DTX2: variants seen among roughly 807,000 people sequenced by gnomAD.
DTX2 encodes probable E3 ubiquitin-protein ligase DTX2.
In DTX2, 29 loss-of-function variants were observed where a neutral mutation model predicts 55.3. The observed-to-expected ratio is 0.52, with a 90% CI of 0.39 to 0.71. The LOEUF (loss-of-function observed/expected upper bound fraction) is 0.71, where lower values mean the gene tolerates loss of function less well. Ranked by LOEUF, DTX2 falls within the 30% of genes least tolerant of loss-of-function variation. The pLI, the probability that DTX2 is intolerant of heterozygous loss-of-function variation, is 0.00. For synonymous variants in DTX2, 276 were observed against 340.4 expected (o/e 0.81, Z 2.08); for missense variants, 537 against 822.5 (o/e 0.65, Z 4.25).
intron 5 of DTX2, among the ~76,000 whole-genome samples, chr7:76,495,804 AG>A: frequency 6.6e-6 from 1 of 151,746 alleles, no homozygotes; most frequent in Non-Finnish European, 1.5e-5. Context: ...TTGGAGGGAC[AG>A]GCCCCGTCAG....
intron 2 of DTX2, among the ~76,000 whole-genome samples, chr7:76,477,488 C>G (rs1228657423): frequency 6.6e-6 from 1 of 150,564 alleles, no homozygotes; most frequent in African/African-American, 2.5e-5. Flanking sequence ...ATGAAAAACA[C>G]TTAGGATACA....
chr7:76,504,712 G>A (rs568262109), intron 10 of DTX2, among the ~76,000 whole-genome samples: 2 of 152,210 alleles, frequency 1.3e-5, no homozygotes, highest in South Asian at 2.1e-4. Context: ...TGACAGGCAG[G>A]GACCGGGGGC....
Position 76,482,698 on chromosome 7 carries a change from T to C in DTX2, c.459T>C (p.Thr153=), listed in dbSNP as rs148924865. 9 of 1,613,708 alleles carry C rather than the reference T, an allele frequency of 5.6e-6. No individual in the cohort carries two copies. The African/African-American group carries it at 1.1e-4, about 19-fold the overall frequency. ...TGGCCCCCCTGGGGTACAACTACAC[T>C]GTCAACTACACCACCCACACGCAGA... The part of the protein sequence containing the change: ...VDLAPLGYNY[T]VNYTTHTQTN... Residue 153 remains threonine (T), a synonymous_variant, in exon 4 of 11, where the codon ACT becomes ACC. Transcript: ENST00000430490.
At chr7:76,468,448 A>AT (rs1202957368) in intron 2 of DTX2, among the ~76,000 whole-genome samples, 929 of 36,854 alleles carry the variant, frequency 0.025, no homozygotes, top group Non-Finnish European at 0.038. Flanking sequence ...GCCCACTGCC[A>AT]TTTTTTTTTT....
chr7:76,484,392 T>TC lies in DTX2; in HGVS notation c.908+1248dup. On this transcript the variant is annotated intron_variant, in intron 4 of 10. Transcript: ENST00000430490. ...TAAAATGAGGAACCCCCCCAGGATT[T>TC]CCCTGGATTTGGCCAAGGTGAATGG... Among the ~76,000 whole-genome samples the TC allele has an allele frequency of 2.3e-5, 3 of 131,608 alleles. No individual in the cohort carries two copies. The Admixed American group carries it at 2.4e-4, about 11-fold the overall frequency. 86.3% of individuals were successfully genotyped at this position (131,608 alleles called of 152,430 possible). A position where few individuals can be genotyped will look rare whatever the true frequency, so the allele number is the denominator to read the frequency against.
chr7:76,501,819 T>C (rs1225752120), intron 7 of DTX2: 1 of 174,724 alleles, frequency 5.7e-6, no homozygotes, highest in Non-Finnish European at 1.2e-5. Flanking sequence ...GTCGGGCCTG[T>C]GCTGCTGGTA....
chr7:76,505,692 C>CT lies in DTX2; in HGVS notation c.*92dup. On this transcript the variant is annotated 3_prime_UTR_variant, in exon 11 of 11. Coordinates refer to ENST00000430490, the MANE Select transcript of DTX2 (RefSeq NM_001102594.3). This position sits in a 1 kb window ranked among gnomAD's most constrained non-coding sequence, Gnocchi z 4.4. ...GGCAGGAAGTGCCCAGCCCGAGAGG[C>CT]TGGGAGGTTTGTTGAGGGTGTGGGG... 7.2e-7 allele frequency: 1 copy of CT among 1,379,896 alleles called. No individual in the cohort carries two copies. The highest frequency in any genetic ancestry group is 9.8e-7 in the Non-Finnish European group (1 of 1,018,308). 85.5% of individuals were successfully genotyped at this position (1,379,896 alleles called of 1,614,324 possible).
chr7:76,482,693 T>C lies in DTX2; in HGVS notation c.454T>C (p.Tyr152His). Residue 152 changes from tyrosine to histidine, a missense_variant, in exon 4 of 11, where the codon TAC becomes CAC. Transcript: ENST00000430490. ...GGACTTGGCCCCCCTGGGGTACAAC[T>C]ACACTGTCAACTACACCACCCACAC... ...LVDLAPLGYN[Y>H]TVNYTTHTQT... is the part of the protein sequence containing the mutation. 1 of 1,613,698 alleles carries C rather than the reference T, an allele frequency of 6.2e-7. No homozygotes were observed. The highest frequency in any genetic ancestry group is 8.5e-7 in the Non-Finnish European group (1 of 1,179,714).
intron 6 of DTX2, among the ~76,000 whole-genome samples, chr7:76,499,607 C>T (rs959127795): frequency 1.4e-5 from 2 of 147,430 alleles, no homozygotes; most frequent in Non-Finnish European, 3.0e-5. Flanking sequence ...GCACTGGGCT[C>T]CCCGTCCCTC....
At position 76,503,495 on chromosome 7, in the gene DTX2, A is replaced by T. The variant is rs1811969006; in HGVS notation, c.1459A>T (p.Lys487Ter). Residue 487 changes from lysine to a stop codon, truncating the protein, a stop_gained, in exon 9 of 11, where the codon AAG becomes TAG. Transcript: ENST00000430490. LOFTEE classifies it high-confidence loss of function. ...GEKTGTQPQG[K>*]MEVLRFQMSL... ...GAAGACGGGGACCCAGCCCCAGGGA[A>T]AGATGGAGGTATTACGGTTCCAGAT... 6.2e-7 allele frequency: 1 copy of T among 1,612,936 alleles called. No individual in the cohort carries two copies. The highest frequency in any genetic ancestry group is 1.7e-5 in the Admixed American group (1 of 60,000).
At position 76,505,679 on chromosome 7, in the gene DTX2, C is replaced by G; in HGVS notation, c.*78C>G. The stretch of plus-strand genomic sequence containing the variant: ...GGCTGGGTGGCCAGGCAGGAAGTGC[C>G]CAGCCCGAGAGGCTGGGAGGTTTGT... On this transcript the variant is annotated 3_prime_UTR_variant, in exon 11 of 11. Transcript: ENST00000430490. This position sits in a 1 kb window ranked among gnomAD's most constrained non-coding sequence, Gnocchi z 4.4. 3 of 1,442,794 alleles carry G rather than the reference C, an allele frequency of 2.1e-6. No homozygotes were observed. The highest frequency in any genetic ancestry group is 2.8e-6 in the Non-Finnish European group (3 of 1,069,568). 89.4% of individuals were successfully genotyped at this position (1,442,794 alleles called of 1,614,324 possible). A position where few individuals can be genotyped will look rare whatever the true frequency, so the allele number is the denominator to read the frequency against.
Position 76,482,961 on chromosome 7 carries a change from A to G in DTX2, c.722A>G (p.His241Arg), listed in dbSNP as rs1809462323. ...AGGACCGCTTCTGTGTTTGGGACCC[A>G]CCAGGCCTTTGCACCGTACAACAAA... Reference protein sequence around the residue: ...PHRTASVFGTHQAFAPYNKPS... With the variant: ...PHRTASVFGTRQAFAPYNKPS... The change falls in exon 4 of 11, where the codon CAC becomes CGC. Residue 241 changes from histidine (H) to arginine (R), a missense_variant. Coordinates refer to ENST00000430490, the MANE Select transcript of DTX2 (RefSeq NM_001102594.3). 8 of 1,613,692 alleles carry G rather than the reference A, an allele frequency of 5.0e-6. No individual in the cohort carries two copies. The highest frequency in any genetic ancestry group is 6.8e-6 in the Non-Finnish European group (8 of 1,179,778).
chr7:76,493,586 G>A (rs1373625920), intron 5 of DTX2, among the ~76,000 whole-genome samples: 1 of 83,720 alleles, frequency 1.2e-5, no homozygotes, highest in Non-Finnish European at 2.4e-5. Flanking sequence ...TGGCGCCATC[G>A]TTGTTCACAG....
At chr7:76,483,570 C>T (rs1265457408) in intron 4 of DTX2, among the ~76,000 whole-genome samples, 2 of 150,662 alleles carry the variant, frequency 1.3e-5, no homozygotes, top group Non-Finnish European at 3.0e-5. Flanking sequence ...TAGTCTAGTG[C>T]AAGGGGCTGT....
At chr7:76,477,800 C>CTAAATAAATAAATAAATAAA (rs200872991) in intron 2 of DTX2, among the ~76,000 whole-genome samples, 1 of 90,046 alleles carries the variant, frequency 1.1e-5, no homozygotes, top group African/African-American at 5.0e-5. Flanking sequence ...GACTCGGACT[C>CTAAATAAATAAATAAATAAA]TAAATAAATA....
chr7:76,504,663 C>G (rs1316298036), intron 10 of DTX2, among the ~76,000 whole-genome samples: 16 of 152,176 alleles, frequency 1.1e-4, no homozygotes, highest in Admixed American at 3.3e-4. Context: ...CTTCCAGCAC[C>G]CTGCCGGGTG....
At position 76,481,181 on chromosome 7, in the gene DTX2, G is replaced by A. The variant is rs531192630; in HGVS notation, c.268+404G>A. ...GTTTCTGCTTTTTGGTCTGCGATGT[G>A]TTTTGATCTTTTTTTTTTTTTTTGA... is the stretch of plus-strand genomic sequence containing the variant. On this transcript the variant is annotated intron_variant, in intron 3 of 10. Coordinates refer to ENST00000430490, the MANE Select transcript of DTX2 (RefSeq NM_001102594.3). 2.8e-3 allele frequency among the ~76,000 whole-genome samples: 400 copies of A among 142,262 alleles called. 3 individuals are homozygous for A. The highest frequency in any genetic ancestry group is 9.9e-3 in the African/African-American group (366 of 37,134). 93.3% of individuals were successfully genotyped at this position (142,262 alleles called of 152,430 possible).
intron 3 of DTX2, 135 bp from the exon 4 acceptor site, chr7:76,482,373 A>G (rs951376234): frequency 2.4e-5 from 26 of 1,086,550 alleles, no homozygotes; most frequent in Middle Eastern, 3.0e-4. Context: ...CAATAAATAA[A>G]TAAACAAATA....
intron 7 of DTX2, chr7:76,501,318 T>G (rs769752444): frequency 5.0e-5 from 23 of 455,926 alleles, no homozygotes; most frequent in South Asian, 3.1e-4. Context: ...GAAAGGAGCC[T>G]GAACGTCCTC....
Sources: gnomAD v4.1 joint callset for allele counts (sites outside exome capture counted in the v4.1 genomes callset) on GRCh38, gnomAD v4.1.1 for gene constraint, Gnocchi (gnomAD v3.1) non-coding constraint, MANE v1.5 for transcripts, NCBI Gene and HGNC (gene_info 2026-07-23, HGNC 2026-07-21) for gene names.